The following TLE2 variants were observed in gnomAD, a reference collection of about 807,000 sequenced individuals.
TLE2 encodes the protein TLE family member 2, transcriptional corepressor, also known as transducin-like enhancer protein 2.
Under a neutral mutation model 97.2 loss-of-function variants are expected in TLE2, and 74 were observed. The ratio of observed to expected loss-of-function variants is 0.76; its 90% CI spans 0.63 to 0.92. The LOEUF (loss-of-function observed/expected upper bound fraction) is 0.92, where lower values mean the gene tolerates loss of function less well. Ranked by LOEUF, TLE2 falls within the 40% of genes least tolerant of loss-of-function variation. The pLI is 0.00. For missense variants in TLE2, 1,038 were observed against 1,008.7 expected, an observed-to-expected ratio of 1.03 and a Z score of -0.39; for synonymous variants, 499 against 432.1, an observed-to-expected ratio of 1.15 and a Z score of -1.92.
At chr19:3,014,866 C>T (rs573771956) in intron 9 of TLE2, among the ~76,000 whole-genome samples, 1 of 152,072 alleles carries the variant, frequency 6.6e-6, no homozygotes, top group East Asian at 1.9e-4. Flanking sequence ...ACATGAGTGC[C>T]CTGTGTGACT....
At chr19:3,004,899 C>A (rs1229151998) in intron 17 of TLE2, among the ~76,000 whole-genome samples, 2 of 151,998 alleles carry the variant, frequency 1.3e-5, no homozygotes, top group Non-Finnish European at 2.9e-5. Context: ...GGTCACGGTG[C>A]CTGAAGATTC....
At chr19:3,029,656 G>A (rs2090006629), upstream of TLE2, 1 of 169,312 alleles carries the variant, frequency 5.9e-6, no homozygotes, top group Non-Finnish European at 1.2e-5. Flanking sequence ...TCAGCAGGAC[G>A]CAGCCTTGCC....
At chr19:3,042,408 A>G (rs1354152059) in intron 1 of TLE2, among the ~76,000 whole-genome samples, 2 of 27,158 alleles carry the variant, frequency 7.4e-5, no homozygotes, top group Non-Finnish European at 1.6e-4. Flanking sequence ...GGGAGGGGTA[A>G]GGGGGCCTGG....
chr19:3,013,916 T>C (rs1184951699), intron 10 of TLE2, 98 bp from the exon 11 acceptor site: 5 of 1,192,334 alleles, frequency 4.2e-6, no homozygotes, highest in Non-Finnish European at 5.5e-6. Context: ...ATCTCTAGAA[T>C]GGGTACCCAT....
rs1299451126 is a variant in TLE2, at chr19:3,019,657, T to C, written c.369+42A>G. 1 of 1,590,728 alleles carries C rather than the reference T, an allele frequency of 6.3e-7. No homozygotes were observed. Among genetic ancestry groups the C allele is most frequent in the Non-Finnish European group, 8.6e-7 (1 of 1,168,678 alleles). On this transcript the variant is annotated intron_variant, in intron 6 of 19. Coordinates refer to ENST00000262953, the MANE Select transcript of TLE2 (RefSeq NM_003260.5). The surrounding 1 kb of genome is among the most constrained non-coding windows in gnomAD (Gnocchi z 5.1). Reference sequence around the variant, plus strand: ...TGGGTGGGTGCCAGGGACCTGGGAGTGGGCGTCTCCCCATGGCGGGGCAGG... The same window carrying C: ...TGGGTGGGTGCCAGGGACCTGGGAGCGGGCGTCTCCCCATGGCGGGGCAGG...
intron 4 of TLE2, among the ~76,000 whole-genome samples, chr19:3,027,334 G>T (rs1371734590): frequency 6.6e-6 from 1 of 152,248 alleles, no homozygotes; most frequent in Non-Finnish European, 1.5e-5. Context: ...CAAATTCAGG[G>T]CCTGGAGAAC....
intron 19 of TLE2, among the ~76,000 whole-genome samples, chr19:2,999,957 C>T (rs546868487): frequency 8.5e-4 from 128 of 150,894 alleles, no homozygotes; most frequent in Non-Finnish European, 1.1e-3. Context: ...CGATTGAACC[C>T]GGGAGGTGGA....
At chr19:3,026,044 G>C (rs932892015) in intron 4 of TLE2, among the ~76,000 whole-genome samples, 2 of 152,040 alleles carry the variant, frequency 1.3e-5, no homozygotes, top group Non-Finnish European at 2.9e-5. Flanking sequence ...TAGAATCTAG[G>C]AGCCCATGAA....
At chr19:3,035,914 A>C (rs1234830994) in intron 1 of TLE2, among the ~76,000 whole-genome samples, 1 of 149,146 alleles carries the variant, frequency 6.7e-6, no homozygotes, top group Non-Finnish European at 1.5e-5. Flanking sequence ...TATTATCCAG[A>C]AACAGGGGAA....
intron 18 of TLE2, 120 bp downstream of exon 18, chr19:3,002,233 G>T: frequency 1.6e-6 from 2 of 1,251,788 alleles, no homozygotes; most frequent in Non-Finnish European, 1.1e-6. Context: ...TTGCTTTTGA[G>T]TATATAAAAC....
intron 1 of TLE2, among the ~76,000 whole-genome samples, chr19:3,045,053 AC>A (rs1483862311): frequency 4.0e-5 from 6 of 151,682 alleles, no homozygotes; most frequent in Non-Finnish European, 2.9e-5. Context: ...CCTTGTCCCT[AC>A]AAAAAAAAAA....
Position 3,009,398 on chromosome 19 carries a change from T to C in TLE2, c.1173+144A>G, listed in dbSNP as rs2089543157. Reference sequence around the variant, plus strand: ...TTGTGGGACTACTGAGACCCCCAGATTGTCTTCCCATGCATACTTGCTGAG... The same window carrying C: ...TTGTGGGACTACTGAGACCCCCAGACTGTCTTCCCATGCATACTTGCTGAG... On this transcript the variant is annotated intron_variant, in intron 13 of 19. Transcript: ENST00000262953. 6.0e-6 allele frequency: 6 copies of C among 999,914 alleles called. No individual in the cohort carries two copies. The East Asian group carries it at 1.7e-4, about 28-fold the overall frequency. 61.9% of individuals were successfully genotyped at this position (999,914 alleles called of 1,614,324 possible).
intron 1 of TLE2, among the ~76,000 whole-genome samples, chr19:3,041,372 T>C (rs923918383): frequency 1.3e-5 from 2 of 152,136 alleles, no homozygotes; most frequent in Non-Finnish European, 2.9e-5. Flanking sequence ...ATACACACCA[T>C]GGCCCTCCGA....
At chr19:3,037,155 C>T (rs1258298013) in intron 1 of TLE2, among the ~76,000 whole-genome samples, 1 of 152,060 alleles carries the variant, frequency 6.6e-6, no homozygotes, top group Non-Finnish European at 1.5e-5. Context: ...CATGGTGGCA[C>T]GCTCCTGTAG....
intron 5 of TLE2, 106 bp downstream of exon 5, chr19:3,024,914 G>A: frequency 1.0e-6 from 1 of 975,138 alleles, no homozygotes; most frequent in Non-Finnish European, 1.5e-6. Flanking sequence ...CCGTGCTGCA[G>A]GCTACGCGGC....
intron 18 of TLE2, among the ~76,000 whole-genome samples, chr19:3,001,392 G>C (rs62125445): frequency 0.21 from 32,415 of 152,036 alleles, 4,403 homozygotes; most frequent in East Asian, 0.35. Flanking sequence ...TGGGATTACA[G>C]GTGTGAGCCA....
At chr19:3,022,196 C>G (rs1040997021) in intron 5 of TLE2, among the ~76,000 whole-genome samples, 1 of 151,956 alleles carries the variant, frequency 6.6e-6, no homozygotes, top group Non-Finnish European at 1.5e-5. Context: ...TTACAGGCAC[C>G]TGCCACCACA....
chr19:3,002,488 G>T lies in TLE2; in HGVS notation c.1912C>A (p.His638Asn). ...DFSSQIFSLG[H>N]CPNQDWLAVG... is the part of the protein sequence containing the mutation. ...GCCAGCCAGTCCTGGTTAGGGCAGTGGCCCAGGGAGAAAATCTGGGGGTAA... is the reference window on the plus strand; with the variant it reads ...GCCAGCCAGTCCTGGTTAGGGCAGTTGCCCAGGGAGAAAATCTGGGGGTAA... The change falls in exon 18 of 20, where the codon CAC (histidine) becomes AAC (asparagine). Residue 638 changes from histidine (H) to asparagine (N), a missense_variant. Physicochemically the swap from His to Asn is moderately conservative, Grantham distance 68. Coordinates refer to ENST00000262953, the MANE Select transcript of TLE2 (RefSeq NM_003260.5). The T allele has an allele frequency of 4.4e-6, 7 of 1,579,386 alleles. No individual in the cohort carries two copies. The highest frequency in any genetic ancestry group is 6.0e-6 in the Non-Finnish European group (7 of 1,162,986).
upstream of TLE2, chr19:3,029,557 G>C: frequency 1.2e-6 from 1 of 818,118 alleles, no homozygotes; most frequent in Non-Finnish European, 1.4e-6. Flanking sequence ...CACCGTGGGA[G>C]CGGGGGGGGG....
Sources: gnomAD v4.1 joint callset for allele counts (sites outside exome capture counted in the v4.1 genomes callset) on GRCh38, gnomAD v4.1.1 for gene constraint, Gnocchi (gnomAD v3.1) non-coding constraint, MANE v1.5 for transcripts, NCBI Gene and HGNC (gene_info 2026-07-23, HGNC 2026-07-21) for gene names.